Variants in MYH8 observed in about 807,000 individuals in gnomAD.
MYH8 encodes the protein myosin heavy chain 8.
MYH8 carries 168 observed loss-of-function variants against 233.2 expected under a neutral mutation model. The ratio of observed to expected loss-of-function variants is 0.72; its 90% CI spans 0.64 to 0.82. MYH8 has a LOEUF of 0.82. Among genes scored for constraint, MYH8 ranks in the 40% least tolerant of loss-of-function variants. The probability of loss-of-function intolerance (pLI) is 0.00; values close to 1 mark genes in which losing one functional copy is unlikely to be tolerated. For synonymous variants in MYH8, 785 were observed against 850.6 expected, an observed-to-expected ratio of 0.92 and a Z score of 1.34; for missense variants, 1,995 against 2,327.8, an observed-to-expected ratio of 0.86 and a Z score of 2.94.
chr17:10,392,873 C>G lies in MYH8; in HGVS notation c.5421G>C (p.Ala1807=), dbSNP rs750794678. ...QHRLDEAEQL[A]LKGGKKQIQK... ...GGATCTGCTTCTTCCCACCCTTCAG[C>G]GCCAGCTGCTCGGCCTCATCTAGAC... is the stretch of plus-strand genomic sequence containing the variant. The change falls in exon 37 of 40, where the codon GCG becomes GCC. Residue 1807 remains alanine (A), a synonymous_variant. Transcript: ENST00000403437. The G allele has an allele frequency of 3.1e-6, 5 of 1,614,060 alleles. No individual in the cohort carries two copies. Among genetic ancestry groups the G allele is most frequent in the South Asian group, 1.1e-5 (1 of 91,086 alleles).
rs2072139162 is a variant in MYH8 at position 10,401,295 on chromosome 17, G to C, written c.3088C>G (p.Leu1030Val). ...CTTACATCATCCACTTGCTGTTCTA[G>C]CTTGGTTTTAGCTTTGGTCAGGATG... is the stretch of plus-strand genomic sequence containing the variant. ...VNILTKAKTKLEQQVDDLEGS... is the reference protein window; with the variant it reads ...VNILTKAKTKVEQQVDDLEGS... Residue 1030 changes from leucine (L) to valine (V), a missense_variant, in exon 24 of 40, where the codon CTA becomes GTA. Leu to Val is a conservative substitution (Grantham distance 32). Transcript: ENST00000403437. 1 of 1,614,014 alleles carries C rather than the reference G, an allele frequency of 6.2e-7. No homozygotes were observed. Among genetic ancestry groups the C allele is most frequent in the Non-Finnish European group, 8.5e-7 (1 of 1,180,040 alleles).
At chr17:10,421,782 A>G (rs2072341882) in intron 1 of MYH8, 76 bp from the exon 2 acceptor site, 1 of 152,208 alleles carries the variant, frequency 6.6e-6, no homozygotes, top group African/African-American at 2.4e-5. Flanking sequence ...TATTATAGTT[A>G]CAGAATTGAA....
chr17:10,395,505 G>A (rs575482860), intron 33 of MYH8, 64 bp from the exon 34 acceptor site: 117 of 1,533,928 alleles, frequency 7.6e-5, no homozygotes, highest in Admixed American at 2.9e-4. Flanking sequence ...ATATTCCCTC[G>A]TGAGCCAAAC....
intron 12 of MYH8, 70 bp downstream of exon 12, chr17:10,413,832 T>A (rs151148200): frequency 1.9e-5 from 30 of 1,609,746 alleles, no homozygotes; most frequent in Non-Finnish European, 2.5e-5. Flanking sequence ...AAAGGAGATG[T>A]GAGTGTAAAA....
In MYH8 at chr17:10,400,267, G is replaced by T. The variant is rs1444717973; in HGVS notation, c.3735+123C>A. 3.2e-6 allele frequency: 4 copies of T among 1,260,238 alleles called. No individual in the cohort carries two copies. The highest frequency in any genetic ancestry group is 1.5e-5 in the African/African-American group (1 of 68,118). The allele number at this position is 1,260,238 out of a possible 1,614,324, so 78.1% of individuals were successfully genotyped here. ...GCATTTTAAAAAATACCATAGAATGGGATATATTTGGTTAGAAAATATTTG... is the reference window on the plus strand; with the variant it reads ...GCATTTTAAAAAATACCATAGAATGTGATATATTTGGTTAGAAAATATTTG... On this transcript the variant is annotated intron_variant, in intron 27 of 39. Coordinates refer to ENST00000403437, the MANE Select transcript of MYH8 (RefSeq NM_002472.3). The surrounding 1 kb of genome is among the most constrained non-coding windows in gnomAD (Gnocchi z 4.0).
intron 17 of MYH8, 137 bp from the exon 18 acceptor site, chr17:10,407,116 G>GCA: frequency 1.3e-6 from 1 of 741,696 alleles, no homozygotes; most frequent in Non-Finnish European, 2.3e-6. Context: ...TGTATTTTGA[G>GCA]GGTCTCAAGA....
At chr17:10,401,811 T>TCAGATTCATTC in intron 22 of MYH8, 26 bp from the exon 23 acceptor site, 1 of 1,614,068 alleles carries the variant, frequency 6.2e-7, no homozygotes. Flanking sequence ...TTCAGATACT[T>TCAGATTCATTC]AGAGTCTGTT....
chr17:10,401,063 A>G lies in MYH8; in HGVS notation c.3237T>C (p.Leu1079=). The part of the protein sequence containing the change: ...TMDMENDKQQ[L]DEKLEKKEFE... ...GCTCCTACTTTTCAAGCTTTTCATC[A>G]AGTTGCTGTTTGTCATTTTCCATAT... Residue 1079 remains leucine, a synonymous_variant, in exon 25 of 40, where the codon CTT becomes CTC. Coordinates refer to ENST00000403437, the MANE Select transcript of MYH8 (RefSeq NM_002472.3). 6.2e-7 allele frequency: 1 copy of G among 1,614,118 alleles called. No homozygotes were observed. Among genetic ancestry groups the G allele is most frequent in the Non-Finnish European group, 8.5e-7 (1 of 1,180,022 alleles).
Position 10,401,030 on chromosome 17 carries a change from T to G in MYH8, c.3254+16A>C, listed in dbSNP as rs575679007. On this transcript the variant is annotated intron_variant, in intron 25 of 39. Coordinates refer to ENST00000403437, the MANE Select transcript of MYH8 (RefSeq NM_002472.3). ...AGATGATATCACATAGAAGTTTTTTTCTAAAAGGCTCCTACTTTTCAAGCT... is the reference window on the plus strand; with the variant it reads ...AGATGATATCACATAGAAGTTTTTTGCTAAAAGGCTCCTACTTTTCAAGCT... The G allele has an allele frequency of 8.7e-6, 14 of 1,614,204 alleles. No homozygotes were observed. In the South Asian group the frequency reaches 1.4e-4, roughly 16 times the overall value.
At chr17:10,421,207 A>G (rs1055014490) in intron 2 of MYH8, among the ~76,000 whole-genome samples, 3 of 152,222 alleles carry the variant, frequency 2.0e-5, no homozygotes, top group Non-Finnish European at 4.4e-5. Context: ...AATACTTGCG[A>G]CCTGTTAAGT....
chr17:10,406,656 A>G, intron 19 of MYH8, 34 bp downstream of exon 19: 1 of 1,554,690 alleles, frequency 6.4e-7, no homozygotes. Context: ...ATACTAATTC[A>G]CAGTGTTAAT....
rs759106308 is a variant in MYH8 at position 10,404,641 on chromosome 17, T to A, written c.2433-56A>T. On this transcript the variant is annotated intron_variant, in intron 21 of 39. Coordinates refer to ENST00000403437, the MANE Select transcript of MYH8 (RefSeq NM_002472.3). Reference sequence around the variant, plus strand: ...TAATCCATCAGAGCCAATGTTATTGTTACTTATCACACACAAATTTCCCTT... The same window carrying A: ...TAATCCATCAGAGCCAATGTTATTGATACTTATCACACACAAATTTCCCTT... The A allele has an allele frequency of 1.4e-4, 221 of 1,605,126 alleles. 1 individual carries two copies. Among genetic ancestry groups the A allele is most frequent in the Non-Finnish European group, 1.7e-4 (196 of 1,174,442 alleles).
chr17:10,401,344 C>A lies in MYH8; in HGVS notation c.3039G>T (p.Leu1013=). The part of the protein sequence containing the change: ...QETHQQTLDD[L]QAEEDKVNIL... ...TGTTGACTTTGTCCTCCTCTGCCTGCAGGTCATCCAGGGTCTGCTGGTGGG... is the reference window on the plus strand; with the variant it reads ...TGTTGACTTTGTCCTCCTCTGCCTGAAGGTCATCCAGGGTCTGCTGGTGGG... Residue 1013 remains leucine, a synonymous_variant, in exon 24 of 40, where the codon CTG becomes CTT. Coordinates refer to ENST00000403437, the MANE Select transcript of MYH8 (RefSeq NM_002472.3). 9 of 1,614,142 alleles carry A rather than the reference C, an allele frequency of 5.6e-6. No homozygotes were observed. The highest frequency in any genetic ancestry group is 7.6e-6 in the Non-Finnish European group (9 of 1,180,032).
chr17:10,401,864 G>A, intron 22 of MYH8, 79 bp from the exon 23 acceptor site: 1 of 1,561,214 alleles, frequency 6.4e-7, no homozygotes, highest in Non-Finnish European at 8.8e-7. Context: ...AAAAATAATA[G>A]TGTTTTATTG....
intron 17 of MYH8, 148 bp downstream of exon 17, chr17:10,408,949 G>T: frequency 1.4e-6 from 1 of 727,286 alleles, no homozygotes; most frequent in Non-Finnish European, 2.4e-6. Flanking sequence ...TCCTACAGGA[G>T]TAGTATTTCT....
chr17:10,398,459 T>A lies in MYH8; in HGVS notation c.4163A>T (p.Glu1388Val), dbSNP rs1022281228. The A allele has an allele frequency of 7.4e-6, 12 of 1,613,844 alleles. No individual in the cohort carries two copies. Among genetic ancestry groups the A allele is most frequent in the Non-Finnish European group, 1.0e-5 (12 of 1,179,874 alleles). ...YETDAIQRTE[E>V]LEEAKKKLAQ... ...CAGCACATACTTGGCCTCCTCCAGC[T>A]CCTCTGTGCGCTGGATGGCATCCGT... The change falls in exon 30 of 40, where the codon GAG (glutamate) becomes GTG (valine). Residue 1388 changes from glutamate to valine, a missense_variant. Physicochemically the swap from Glu to Val is moderately radical, Grantham distance 121. Transcript: ENST00000403437.
At chr17:10,410,621 T>C (rs1463495931) in intron 15 of MYH8, among the ~76,000 whole-genome samples, 156 bp downstream of exon 15, 1 of 152,238 alleles carries the variant, frequency 6.6e-6, no homozygotes, top group African/African-American at 2.4e-5. Flanking sequence ...ATCTTTCTTA[T>C]GTAGAAGTTA....
At position 10,417,995 on chromosome 17, in the gene MYH8, G is replaced by A. The variant is rs569228679; in HGVS notation, c.511+650C>T. Among the ~76,000 whole-genome samples the A allele has an allele frequency of 6.6e-6, 1 of 152,328 alleles. No homozygotes were observed. Among genetic ancestry groups the A allele is most frequent in the Admixed American group, 6.5e-5 (1 of 15,304 alleles). On this transcript the variant is annotated intron_variant, in intron 5 of 39. Transcript: ENST00000403437. The surrounding 1 kb of genome is among the most constrained non-coding windows in gnomAD (Gnocchi z 4.1). ...GTGTGTGAAGATAAAAGGTTTTAATGCTGTATTTGGGCCTATAATGCGTAT... is the reference window on the plus strand; with the variant it reads ...GTGTGTGAAGATAAAAGGTTTTAATACTGTATTTGGGCCTATAATGCGTAT...
chr17:10,404,761 A>G (rs900197978), intron 21 of MYH8, among the ~76,000 whole-genome samples, 176 bp from the exon 22 acceptor site: 1 of 151,784 alleles, frequency 6.6e-6, no homozygotes, highest in Non-Finnish European at 1.5e-5. Context: ...ATGTACACAC[A>G]TTCTCGCGCT....
Sources: gnomAD v4.1 joint callset for allele counts (sites outside exome capture counted in the v4.1 genomes callset) on GRCh38, gnomAD v4.1.1 for gene constraint, Gnocchi (gnomAD v3.1) non-coding constraint, MANE v1.5 for transcripts, NCBI Gene and HGNC (gene_info 2026-07-23, HGNC 2026-07-21) for gene names.